The following SHLD1 variants were observed in gnomAD, a reference collection of about 807,000 sequenced individuals.
SHLD1 encodes RINN1-REV7-interacting novel NHEJ regulator 3.
In SHLD1, 3 loss-of-function variants were observed where a neutral mutation model predicts 5.5. That is an observed-to-expected ratio of 0.54 (90% CI 0.25 to 1.40). SHLD1 has a LOEUF of 1.40. SHLD1 is among the 40% of genes most tolerant of loss of function. SHLD1 has a pLI of 0.15. For missense variants in SHLD1, 210 were observed against 244.4 expected, an observed-to-expected ratio of 0.86 and a Z score of 0.94; for synonymous variants, 92 against 94.3, an observed-to-expected ratio of 0.98 and a Z score of 0.14.
Position 5,863,925 on chromosome 20 carries a change from A to G in SHLD1, c.*462A>G, listed in dbSNP as rs1190770223. On this transcript the variant is annotated 3_prime_UTR_variant, in exon 3 of 3. Coordinates refer to ENST00000303142, the MANE Select transcript of SHLD1 (RefSeq NM_152504.4). ...TCTTATATCTGAATCCTTGACTCAG[A>G]GTCTACTTCTGGGAGAATTCACCCT... The G allele has an allele frequency of 6.5e-6, 1 of 154,358 alleles. No individual in the cohort carries two copies. Among genetic ancestry groups the G allele is most frequent in the African/African-American group, 2.4e-5 (1 of 41,478 alleles). The allele number at this position is 154,358 out of a possible 1,614,324, so 9.6% of individuals were successfully genotyped here.
intron 2 of SHLD1, among the ~76,000 whole-genome samples, chr20:5,821,969 C>T (rs1180159448): frequency 1.3e-5 from 2 of 152,116 alleles, no homozygotes; most frequent in African/African-American, 4.8e-5. Context: ...TACAGACCAA[C>T]CCTGGGACCA....
intron 2 of SHLD1, among the ~76,000 whole-genome samples, chr20:5,801,471 G>A (rs1475760715): frequency 1.3e-5 from 2 of 152,326 alleles, no homozygotes; most frequent in Non-Finnish European, 2.9e-5. Flanking sequence ...CCCTGGAAGT[G>A]AACGAGAATC....
chr20:5,863,041 A>G lies in SHLD1; in HGVS notation c.196A>G (p.Ile66Val), dbSNP rs755442162. ...TCTTGCAGACACCAGTAACTTAAAT[A>G]TAGAACAAAATAACTCCTGGACCGC... The part of the protein sequence containing the change: ...DVDPDTSNLN[I>V]EQNNSWTAEN... The change falls in exon 3 of 3, where the codon ATA becomes GTA. Residue 66 changes from isoleucine to valine, a missense_variant. Ile to Val is a conservative substitution (Grantham distance 29). Transcript: ENST00000303142. 9 of 1,602,010 alleles carry G rather than the reference A, an allele frequency of 5.6e-6. No homozygotes were observed. The highest frequency in any genetic ancestry group is 7.7e-6 in the Non-Finnish European group (9 of 1,175,408).
At chr20:5,861,363 G>A (rs1472006717) in intron 2 of SHLD1, among the ~76,000 whole-genome samples, 1 of 152,188 alleles carries the variant, frequency 6.6e-6, no homozygotes, top group Non-Finnish European at 1.5e-5. Flanking sequence ...TGTCTGTAAC[G>A]ATGTCTCTTC....
intron 2 of SHLD1, among the ~76,000 whole-genome samples, chr20:5,810,654 G>A (rs1426742378): frequency 6.6e-6 from 1 of 151,286 alleles, no homozygotes; most frequent in Non-Finnish European, 1.5e-5. Flanking sequence ...AGCACCTTGG[G>A]AGGCTGAGGT....
chr20:5,777,601 AT>A (rs760228037), intron 2 of SHLD1, among the ~76,000 whole-genome samples: 8 of 138,088 alleles, frequency 5.8e-5, no homozygotes, highest in Admixed American at 2.2e-4. Flanking sequence ...AAAAAATTTT[AT>A]TTTTTTTTTT....
intron 1 of SHLD1, among the ~76,000 whole-genome samples, chr20:5,755,950 T>C (rs1031470026): frequency 1.3e-5 from 2 of 152,148 alleles, no homozygotes; most frequent in African/African-American, 4.8e-5. Flanking sequence ...TGTTTTGGGG[T>C]AAAATCCTTT....
rs2088196753 is a variant in SHLD1, at chr20:5,863,865, T to A, written c.*402T>A. 6.2e-6 allele frequency: 1 copy of A among 161,818 alleles called. No homozygotes were observed. The highest frequency in any genetic ancestry group is 1.9e-4 in the South Asian group (1 of 5,136). The allele number at this position is 161,818 out of a possible 1,614,324, so 10.0% of individuals were successfully genotyped here. ...CCCTTTCCCTACCCTCCCATTTATT[T>A]ACTGGTGTCTCTGGGAGCCTTTCCT... On this transcript the variant is annotated 3_prime_UTR_variant, in exon 3 of 3. Coordinates refer to ENST00000303142, the MANE Select transcript of SHLD1 (RefSeq NM_152504.4).
intron 2 of SHLD1, among the ~76,000 whole-genome samples, chr20:5,798,094 A>G (rs563425256): frequency 6.6e-6 from 1 of 152,242 alleles, no homozygotes; most frequent in South Asian, 2.1e-4. Context: ...GGGGGCTTGA[A>G]TGGTCTGGAA....
intron 2 of SHLD1, among the ~76,000 whole-genome samples, chr20:5,789,492 A>G (rs6053696): frequency 0.29 from 44,196 of 150,522 alleles, 6,425 homozygotes; most frequent in Middle Eastern, 0.35. Flanking sequence ...CAGGAGAATC[A>G]CTTGAACCCA....
chr20:5,786,051 A>G (rs1600120527), intron 2 of SHLD1, among the ~76,000 whole-genome samples: 1 of 152,036 alleles, frequency 6.6e-6, no homozygotes, highest in African/African-American at 2.4e-5. Flanking sequence ...AGAAAGCAGT[A>G]CCCCAAAATG....
intron 2 of SHLD1, among the ~76,000 whole-genome samples, chr20:5,847,363 G>A (rs1196310621): frequency 6.6e-6 from 1 of 152,108 alleles, no homozygotes; most frequent in Admixed American, 6.5e-5. Flanking sequence ...GTGATAAGCC[G>A]ATGCCGTGAG....
intron 1 of SHLD1, chr20:5,772,076 A>T: frequency 2.4e-6 from 1 of 415,434 alleles, no homozygotes; most frequent in Non-Finnish European, 4.9e-6. Flanking sequence ...GGGTTTCACC[A>T]TGTTGGCCAG....
intron 2 of SHLD1, among the ~76,000 whole-genome samples, chr20:5,856,992 G>GTTTT (rs202129738): frequency 4.6e-5 from 7 of 152,132 alleles, no homozygotes; most frequent in Admixed American, 3.9e-4. Flanking sequence ...GTTTTGTTTT[G>GTTTT]TTTTGTTGAA....
At chr20:5,839,919 C>G (rs1299723251) in intron 2 of SHLD1, among the ~76,000 whole-genome samples, 5 of 152,102 alleles carry the variant, frequency 3.3e-5, no homozygotes, top group Non-Finnish European at 7.4e-5. Flanking sequence ...GTCCCTGCGC[C>G]CCCACAATAC....
At chr20:5,845,377 G>C (rs2087920850) in intron 2 of SHLD1, among the ~76,000 whole-genome samples, 1 of 152,180 alleles carries the variant, frequency 6.6e-6, no homozygotes, top group Non-Finnish European at 1.5e-5. Flanking sequence ...AACTTGCCCA[G>C]GATCTCATAG....
In SHLD1 at chr20:5,764,301, G is replaced by T. The variant is rs79313206; in HGVS notation, c.-4-8561G>T. On this transcript the variant is annotated intron_variant, in intron 1 of 2. Coordinates refer to ENST00000303142, the MANE Select transcript of SHLD1 (RefSeq NM_152504.4). ...TTGTCCAAAGTAACACAGCTAAAAA[G>T]TGACAGCAGGGGTTCAAACCCATTC... Among the ~76,000 whole-genome samples, 1,158 of 147,718 alleles carry T rather than the reference G, an allele frequency of 7.8e-3. 14 individuals carry two copies. Among genetic ancestry groups the T allele is most frequent in the African/African-American group, 0.027 (1,066 of 39,822 alleles).
At chr20:5,850,881 A>T (rs562288488) in intron 2 of SHLD1, among the ~76,000 whole-genome samples, 58 of 152,216 alleles carry the variant, frequency 3.8e-4, no homozygotes, top group South Asian at 3.5e-3. Context: ...TCCTTCACTG[A>T]GCTGAACCTG....
At chr20:5,754,880 A>AC in intron 1 of SHLD1, among the ~76,000 whole-genome samples, 1 of 152,022 alleles carries the variant, frequency 6.6e-6, no homozygotes, top group Middle Eastern at 3.4e-3. Context: ...ACATGGTGAA[A>AC]CCCCATCTCT....
Sources: allele counts gnomAD v4.1 joint callset (sites outside exome capture counted in the v4.1 genomes callset), GRCh38; gene constraint gnomAD v4.1.1; transcripts MANE v1.5; gene names NCBI Gene and HGNC (gene_info 2026-07-23, HGNC 2026-07-21).